CTNNA3: variants seen among roughly 807,000 people sequenced by gnomAD.
CTNNA3 encodes the protein catenin alpha 3.
CTNNA3 carries 76 observed loss-of-function variants against 95.7 expected under a neutral mutation model. The observed-to-expected ratio is 0.79, with a 90% CI of 0.66 to 0.96. The LOEUF is 0.96. Ranked by LOEUF, CTNNA3 falls within the 40% of genes least tolerant of loss-of-function variation. CTNNA3 has a pLI of 0.00. For synonymous variants in CTNNA3, 431 were observed against 374.4 expected, an observed-to-expected ratio of 1.15 and a Z score of -1.74; for missense variants, 1,191 against 1,089.8, an observed-to-expected ratio of 1.09 and a Z score of -1.31.
chr10:66,091,325 G>A (rs972573402), intron 14 of CTNNA3, among the ~76,000 whole-genome samples: 2 of 151,832 alleles, frequency 1.3e-5, no homozygotes, highest in African/African-American at 4.8e-5. Context: ...AAATATAGGA[G>A]CTACCCTATT....
At chr10:67,181,673 G>A (rs945706502) in intron 6 of CTNNA3, among the ~76,000 whole-genome samples, 1 of 151,904 alleles carries the variant, frequency 6.6e-6, no homozygotes, top group African/African-American at 2.4e-5. Context: ...AAGTATATGT[G>A]TGTGTGTTTA....
rs1564719870 is a variant in CTNNA3 at position 66,845,722 on chromosome 10, A to AT, written c.1048-70199_1048-70198insA. 6.6e-4 allele frequency among the ~76,000 whole-genome samples: 84 copies of AT among 127,048 alleles called. 2 individuals are homozygous for AT. The highest frequency in any genetic ancestry group is 1.9e-3 in the African/African-American group (65 of 33,824). The allele number at this position is 127,048 out of a possible 152,430, so 83.3% of individuals were successfully genotyped here. On this transcript the variant is annotated intron_variant, in intron 7 of 17. Coordinates refer to ENST00000433211, the MANE Select transcript of CTNNA3 (RefSeq NM_013266.4). ...CTGTCTCAAAAAAAAAAAAAAAAAAAAAAAAAACTAAAAAGGTGAGATATA... is the reference window on the plus strand; with the variant it reads ...CTGTCTCAAAAAAAAAAAAAAAAAAATAAAAAAACTAAAAAGGTGAGATATA...
At chr10:66,983,212 A>T (rs555451913) in intron 7 of CTNNA3, among the ~76,000 whole-genome samples, 38 of 152,320 alleles carry the variant, frequency 2.5e-4, no homozygotes, top group African/African-American at 9.1e-4. Flanking sequence ...GCAGAAAGAC[A>T]AATGGAGGCT....
chr10:66,768,506 A>G (rs1484419825), intron 8 of CTNNA3, among the ~76,000 whole-genome samples: 1 of 152,182 alleles, frequency 6.6e-6, no homozygotes, highest in East Asian at 1.9e-4. Context: ...CAAACTTTCA[A>G]ATATATCTCT....
At chr10:66,440,999 A>G (rs2093371603) in intron 11 of CTNNA3, among the ~76,000 whole-genome samples, 1 of 151,978 alleles carries the variant, frequency 6.6e-6, no homozygotes, top group Non-Finnish European at 1.5e-5. Context: ...CCTACTATGT[A>G]CTTCTCTGGC....
intron 4 of CTNNA3, among the ~76,000 whole-genome samples, chr10:67,526,105 A>C (rs1455571469): frequency 2.6e-5 from 4 of 152,234 alleles, no homozygotes; most frequent in Admixed American, 2.0e-4. Flanking sequence ...TATAAATATT[A>C]ATACCTAGAG....
chr10:66,876,106 G>A (rs997315092), intron 7 of CTNNA3, among the ~76,000 whole-genome samples: 2 of 152,090 alleles, frequency 1.3e-5, no homozygotes, highest in Admixed American at 1.3e-4. Flanking sequence ...GAAGAAACAG[G>A]AAATATTTTC....
intron 11 of CTNNA3, among the ~76,000 whole-genome samples, chr10:66,444,934 A>T (rs1007733162): frequency 1.3e-5 from 2 of 152,076 alleles, no homozygotes; most frequent in Non-Finnish European, 2.9e-5. Flanking sequence ...AACCCATCTC[A>T]CGTGCAGAGA....
chr10:67,045,453 AC>A (rs1854670266), intron 7 of CTNNA3, among the ~76,000 whole-genome samples: 1 of 152,018 alleles, frequency 6.6e-6, no homozygotes, highest in Admixed American at 6.6e-5. Context: ...TTGTTGTTTT[AC>A]AAACCCTTGT....
intron 7 of CTNNA3, among the ~76,000 whole-genome samples, chr10:66,948,533 T>A (rs10762121): frequency 1.3e-5 from 2 of 151,978 alleles, no homozygotes; most frequent in Non-Finnish European, 2.9e-5. Flanking sequence ...AAGATCTACT[T>A]GGGAAGATTT....
chr10:66,681,407 A>G (rs1330840173), intron 9 of CTNNA3, among the ~76,000 whole-genome samples: 1 of 152,154 alleles, frequency 6.6e-6, no homozygotes, highest in Admixed American at 6.5e-5. Context: ...CATTAGATTC[A>G]AAATAGGAGG....
intron 7 of CTNNA3, among the ~76,000 whole-genome samples, chr10:66,931,186 AAC>A (rs1847365350): frequency 2.0e-5 from 2 of 101,330 alleles, no homozygotes; most frequent in African/African-American, 7.1e-5. Flanking sequence ...CAAAGGTGAC[AAC>A]AGTTAAAAAA....
intron 7 of CTNNA3, among the ~76,000 whole-genome samples, chr10:67,154,270 C>A (rs1021846037): frequency 6.6e-6 from 1 of 152,096 alleles, no homozygotes; most frequent in Non-Finnish European, 1.5e-5. Flanking sequence ...TACTTTTCAT[C>A]TTAAAATATA....
chr10:67,580,014 C>T (rs1008312643), intron 3 of CTNNA3, among the ~76,000 whole-genome samples: 14 of 152,268 alleles, frequency 9.2e-5, no homozygotes, highest in Non-Finnish European at 1.9e-4. Flanking sequence ...TGCCTGTTCA[C>T]TCTGATGGTA....
intron 7 of CTNNA3, among the ~76,000 whole-genome samples, chr10:66,983,953 T>C (rs1371217905): frequency 6.6e-6 from 1 of 152,222 alleles, no homozygotes; most frequent in Non-Finnish European, 1.5e-5. Flanking sequence ...CAACGGTAAA[T>C]GGTAGATACT....
chr10:67,633,375 A>G (rs1319331968), intron 2 of CTNNA3, among the ~76,000 whole-genome samples: 1 of 152,204 alleles, frequency 6.6e-6, no homozygotes, highest in East Asian at 1.9e-4. Context: ...AACGCAGCAT[A>G]TCTGCTCCAC....
chr10:66,122,130 TATAA>T (rs1463381739), intron 13 of CTNNA3, among the ~76,000 whole-genome samples: 3 of 151,996 alleles, frequency 2.0e-5, no homozygotes, highest in Admixed American at 2.0e-4. Flanking sequence ...TAGTGGGTAA[TATAA>T]ATAGAGAGAT....
chr10:67,293,265 A>C (rs1839906644), intron 5 of CTNNA3, among the ~76,000 whole-genome samples: 1 of 152,214 alleles, frequency 6.6e-6, no homozygotes, highest in East Asian at 1.9e-4. Flanking sequence ...AAGGAGCCCT[A>C]GTAAAAGAAA....
intron 11 of CTNNA3, among the ~76,000 whole-genome samples, chr10:66,427,568 A>G (rs1489111906): frequency 6.6e-6 from 1 of 152,134 alleles, no homozygotes; most frequent in Non-Finnish European, 1.5e-5. Flanking sequence ...CCAGTTTTCT[A>G]TTGGTAACAT....
Sources: allele counts gnomAD v4.1 joint callset (sites outside exome capture counted in the v4.1 genomes callset), GRCh38; gene constraint gnomAD v4.1.1; transcripts MANE v1.5; gene names NCBI Gene and HGNC (gene_info 2026-07-23, HGNC 2026-07-21).